The following KCNH5 variants were observed in gnomAD, a reference collection of about 807,000 sequenced individuals.
KCNH5 encodes voltage-gated delayed rectifier potassium channel KCNH5.
A neutral mutation model predicts 96.1 loss-of-function variants in KCNH5; 46 were observed. The observed-to-expected ratio is 0.48, with a 90% CI of 0.38 to 0.61. KCNH5 has a LOEUF of 0.61. KCNH5 is among the 20% of genes least tolerant of loss of function. KCNH5 has a pLI of 0.00. For synonymous variants in KCNH5, 439 were observed against 449.8 expected (o/e 0.98, Z 0.30); for missense variants, 907 against 1,225.8 (o/e 0.74, Z 3.88).
rs1886626889 is a variant in KCNH5 at position 62,799,967 on chromosome 14, A to AGG, written c.1822+2361_1822+2362insCC. On this transcript the variant is annotated intron_variant, in intron 9 of 10. Coordinates refer to ENST00000322893, the MANE Select transcript of KCNH5 (RefSeq NM_139318.5). Reference sequence around the variant, plus strand: ...AAAATGAGAAGAAGAAGAGGAGGAGAAAGAAAAGGAGGAGGAGGAGGAGAA... The same window carrying AGG: ...AAAATGAGAAGAAGAAGAGGAGGAGAGGAAGAAAAGGAGGAGGAGGAGGAGAA... 4.0e-5 allele frequency among the ~76,000 whole-genome samples: 6 copies of AGG among 149,722 alleles called. No individual in the cohort carries two copies. The East Asian group carries it at 1.2e-3, about 29-fold the overall frequency.
At chr14:62,735,350 G>A (rs1191828041) in intron 10 of KCNH5, among the ~76,000 whole-genome samples, 1 of 152,104 alleles carries the variant, frequency 6.6e-6, no homozygotes, top group East Asian at 1.9e-4. Flanking sequence ...AGGCAGTGGG[G>A]AACAGCAAGG....
chr14:62,830,578 T>A (rs894686883), intron 8 of KCNH5, among the ~76,000 whole-genome samples: 3 of 152,044 alleles, frequency 2.0e-5, no homozygotes, highest in Admixed American at 6.6e-5. Flanking sequence ...TTTTAAACCA[T>A]CGGATCTTGT....
chr14:62,701,227 G>T lies in KCNH5; in HGVS notation c.*6281C>A, dbSNP rs1476608427. 6.6e-6 allele frequency: 1 copy of T among 152,170 alleles called. No individual in the cohort carries two copies. The highest frequency in any genetic ancestry group is 1.9e-4 in the East Asian group (1 of 5,198). The allele number at this position is 152,170 out of a possible 1,614,324, so 9.4% of individuals were successfully genotyped here. A position where few individuals can be genotyped will look rare whatever the true frequency, so the allele number is the denominator to read the frequency against. On this transcript the variant is annotated 3_prime_UTR_variant, in exon 11 of 11. Coordinates refer to ENST00000322893, the MANE Select transcript of KCNH5 (RefSeq NM_139318.5). ...TGGTGGGAGAACACTTATTTCTAAA[G>T]AAGGCCCCAGCATTTGACAAGCTTT...
At chr14:62,802,234 CCAAA>C (rs538751629) in intron 9 of KCNH5, 91 bp downstream of exon 9, 451 of 1,314,902 alleles carry the variant, frequency 3.4e-4, no homozygotes, top group Admixed American at 1.5e-4. Context: ...TCCAAAGTTA[CCAAA>C]CAAAGGAAAT....
intron 6 of KCNH5, among the ~76,000 whole-genome samples, chr14:62,954,698 C>T (rs73276489): frequency 0.05 from 7,643 of 151,982 alleles, 664 homozygotes; most frequent in African/African-American, 0.17. Context: ...TTCATGCTGC[C>T]GATAAAGACA....
chr14:63,034,070 C>T (rs1891678106), intron 1 of KCNH5, among the ~76,000 whole-genome samples: 1 of 152,090 alleles, frequency 6.6e-6, no homozygotes, highest in Admixed American at 6.6e-5. Context: ...CAGGCATGCA[C>T]CACCAAACCC....
At chr14:63,024,465 A>G (rs895965963) in intron 1 of KCNH5, among the ~76,000 whole-genome samples, 3 of 152,162 alleles carry the variant, frequency 2.0e-5, no homozygotes, top group Admixed American at 6.5e-5. Flanking sequence ...AGAGACTAGA[A>G]AAACAACTTT....
chr14:62,797,444 C>T (rs545581683), intron 9 of KCNH5, among the ~76,000 whole-genome samples: 50 of 152,252 alleles, frequency 3.3e-4, no homozygotes, highest in African/African-American at 1.1e-3. Flanking sequence ...AGTTCCGCAT[C>T]TACAACACAG....
rs571383130 is a variant in KCNH5, at chr14:62,704,279, T to C, written c.*3229A>G. ...TATACTTAATGCAAGATGCAACTAGTGTCATAAAAATTTTCCATTTTAACA... is the reference window on the plus strand; with the variant it reads ...TATACTTAATGCAAGATGCAACTAGCGTCATAAAAATTTTCCATTTTAACA... On this transcript the variant is annotated 3_prime_UTR_variant, in exon 11 of 11. Transcript: ENST00000322893. 28 of 152,060 alleles carry C rather than the reference T, an allele frequency of 1.8e-4. No homozygotes were observed. Among genetic ancestry groups the C allele is most frequent in the African/African-American group, 6.3e-4 (26 of 41,550 alleles). 9.4% of individuals were successfully genotyped at this position (152,060 alleles called of 1,614,324 possible). A position where few individuals can be genotyped will look rare whatever the true frequency, so the allele number is the denominator to read the frequency against.
intron 5 of KCNH5, among the ~76,000 whole-genome samples, chr14:62,982,198 G>A (rs1456112018): frequency 1.3e-5 from 2 of 152,152 alleles, no homozygotes; most frequent in East Asian, 3.9e-4. Context: ...GCGTGGTGGT[G>A]CGTGCCTATA....
intron 6 of KCNH5, among the ~76,000 whole-genome samples, chr14:62,970,878 A>AG (rs1487686012): frequency 4.0e-5 from 6 of 151,734 alleles, no homozygotes; most frequent in Non-Finnish European, 7.4e-5. Flanking sequence ...ACCAAAAAAA[A>AG]GAAAAAAAAA....
At chr14:63,013,328 T>G (rs1456495188) in intron 2 of KCNH5, among the ~76,000 whole-genome samples, 1 of 152,144 alleles carries the variant, frequency 6.6e-6, no homozygotes, top group Admixed American at 6.6e-5. Context: ...CAAAAATGAT[T>G]CTTTTTTCTG....
chr14:63,016,493 T>C (rs549928754), intron 2 of KCNH5, among the ~76,000 whole-genome samples: 1 of 152,052 alleles, frequency 6.6e-6, no homozygotes, highest in Admixed American at 6.6e-5. Flanking sequence ...GTTCCAGAGG[T>C]GCTGTAGATC....
At chr14:62,760,662 C>A (rs116141650) in intron 10 of KCNH5, among the ~76,000 whole-genome samples, 1,765 of 152,286 alleles carry the variant, frequency 0.012, 32 homozygotes, top group African/African-American at 0.04. Flanking sequence ...AGAGAAGAGA[C>A]AGAAAATGAA....
intron 6 of KCNH5, among the ~76,000 whole-genome samples, chr14:62,959,645 A>G (rs913392425): frequency 7.9e-5 from 12 of 152,108 alleles, no homozygotes; most frequent in Admixed American, 6.6e-5. Flanking sequence ...TTGCATCATT[A>G]TGGTGTCACT....
chr14:62,883,207 C>G (rs931411334), intron 7 of KCNH5, among the ~76,000 whole-genome samples: 16 of 152,116 alleles, frequency 1.1e-4, no homozygotes, highest in Non-Finnish European at 2.1e-4. Context: ...ACTATTTGAT[C>G]CAATCGGGAC....
chr14:62,966,672 G>A (rs1221543668), intron 6 of KCNH5, among the ~76,000 whole-genome samples: 6 of 152,030 alleles, frequency 3.9e-5, no homozygotes, highest in African/African-American at 9.7e-5. Flanking sequence ...TTTATTACAC[G>A]AACTTTGCAA....
At chr14:62,764,543 A>C (rs1410554659) in intron 10 of KCNH5, among the ~76,000 whole-genome samples, 1 of 152,190 alleles carries the variant, frequency 6.6e-6, no homozygotes, top group Non-Finnish European at 1.5e-5. Flanking sequence ...CAAGAGAAAG[A>C]AGTAAAAGGC....
chr14:62,881,034 A>C (rs1888481078), intron 7 of KCNH5, among the ~76,000 whole-genome samples: 1 of 152,180 alleles, frequency 6.6e-6, no homozygotes, highest in African/African-American at 2.4e-5. Context: ...GATTTACCTA[A>C]ATCGGTCACT....
Sources: gnomAD v4.1 joint callset for allele counts (sites outside exome capture counted in the v4.1 genomes callset) on GRCh38, gnomAD v4.1.1 for gene constraint, MANE v1.5 for transcripts, NCBI Gene and HGNC (gene_info 2026-07-23, HGNC 2026-07-21) for gene names.